DOCK10: variants seen among roughly 807,000 people sequenced by gnomAD.
The protein encoded by DOCK10 is dedicator of cytokinesis 10.
A neutral mutation model predicts 280.1 loss-of-function variants in DOCK10; 145 were observed. The observed-to-expected ratio is 0.52, with a 90% confidence interval of 0.45 to 0.59. DOCK10 has a LOEUF of 0.59. Among genes scored for constraint, DOCK10 ranks in the 20% least tolerant of loss-of-function variants. The pLI is 0.00. For synonymous variants in DOCK10, 915 were observed against 942.2 expected (o/e 0.97, Z 0.53); for missense variants, 2,368 against 2,651.7 (o/e 0.89, Z 2.35).
rs2125080151 is a variant in DOCK10, at chr2:224,787,412, A to G, written c.5419-15T>C. On this transcript the variant is annotated splice_polypyrimidine_tract_variant and intron_variant, in intron 48 of 55. Coordinates refer to ENST00000258390, the MANE Select transcript of DOCK10 (RefSeq NM_014689.3). ...ACCAGGATATTCTGCAATTCCCCCAATCAAAATAAGATTTTACATGATTAG... is the reference window on the plus strand; with the variant it reads ...ACCAGGATATTCTGCAATTCCCCCAGTCAAAATAAGATTTTACATGATTAG... 6.2e-7 allele frequency: 1 copy of G among 1,613,300 alleles called. No homozygotes were observed. The highest frequency in any genetic ancestry group is 8.5e-7 in the Non-Finnish European group (1 of 1,179,716).
At chr2:224,907,687 CAAAAA>C (rs71062965) in intron 3 of DOCK10, among the ~76,000 whole-genome samples, 3 of 123,438 alleles carry the variant, frequency 2.4e-5, no homozygotes, top group Admixed American at 8.1e-5. Context: ...GACTCCACCT[CAAAAA>C]AAAAAAAAAA....
At chr2:224,766,271 T>G (rs1358459055) in intron 55 of DOCK10, among the ~76,000 whole-genome samples, 1 of 152,188 alleles carries the variant, frequency 6.6e-6, no homozygotes, top group Non-Finnish European at 1.5e-5. Flanking sequence ...AATGTTAGTG[T>G]GCCTAAAAAA....
intron 23 of DOCK10, among the ~76,000 whole-genome samples, chr2:224,840,846 C>T (rs13386042): frequency 0.19 from 29,558 of 152,102 alleles, 4,615 homozygotes; most frequent in African/African-American, 0.44. Context: ...AGCCAAGATA[C>T]AGAATCAATC....
At chr2:224,815,431 A>G (rs1694068022) in intron 30 of DOCK10, among the ~76,000 whole-genome samples, 2 of 152,168 alleles carry the variant, frequency 1.3e-5, no homozygotes, top group African/African-American at 4.8e-5. Flanking sequence ...GAATATCTCA[A>G]TCAGCCTGGC....
At chr2:224,846,590 G>A (rs1696370187) in intron 19 of DOCK10, among the ~76,000 whole-genome samples, 1 of 150,684 alleles carries the variant, frequency 6.6e-6, no homozygotes, top group Admixed American at 6.6e-5. Flanking sequence ...TCCGCTTCCT[G>A]GGTTCAAGTG....
intron 13 of DOCK10, 27 bp downstream of exon 13, chr2:224,864,526 G>C (rs913571948): frequency 6.6e-7 from 1 of 1,518,380 alleles, no homozygotes; most frequent in East Asian, 2.4e-5. Flanking sequence ...AAAAGGAAGT[G>C]AAGTTATTTA....
chr2:224,985,630 GA>G (rs56042875), intron 1 of DOCK10, among the ~76,000 whole-genome samples: 71 of 142,070 alleles, frequency 5.0e-4, no homozygotes, highest in South Asian at 2.0e-3. Flanking sequence ...GGTTAAGGAG[GA>G]AAAAAAAAAA....
intron 50 of DOCK10, among the ~76,000 whole-genome samples, chr2:224,782,627 T>G (rs1691434044): frequency 6.6e-6 from 1 of 152,202 alleles, no homozygotes; most frequent in African/African-American, 2.4e-5. Flanking sequence ...TTAAAGTTCC[T>G]GCTATGAACG....
intron 1 of DOCK10, among the ~76,000 whole-genome samples, chr2:224,941,474 A>G (rs1039100359): frequency 2.6e-5 from 4 of 152,142 alleles, no homozygotes; most frequent in African/African-American, 9.7e-5. Context: ...ACGGCAAGAG[A>G]AGGCTGGGGC....
chr2:224,886,154 C>G lies in DOCK10; in HGVS notation c.521G>C (p.Gly174Ala). The part of the protein sequence containing the change: ...DTTSHSSSKG[G>A]GGAGGTGVFK... ...AACACCAGTTCCTCCCGCTCCTCCA[C>G]CCCCCTTGGAAGACGAGTGGGAAGT... The change falls in exon 6 of 56, where the codon GGT becomes GCT. Residue 174 changes from glycine (G) to alanine (A), a missense_variant. By Grantham distance (60) the Gly-to-Ala change is moderately conservative (BLOSUM62 0). Transcript: ENST00000258390. 6.2e-7 allele frequency: 1 copy of G among 1,613,328 alleles called. No homozygotes were observed.
chr2:224,770,236 T>C lies in DOCK10; in HGVS notation c.6419A>G (p.Glu2140Gly). 1 of 1,598,494 alleles carries C rather than the reference T, an allele frequency of 6.3e-7. No homozygotes were observed. ...LRSHYKDMLSELSTVMNEQIT... is the reference protein window; with the variant it reads ...LRSHYKDMLSGLSTVMNEQIT... ...CTGCTCATTCATGACTGTGGAGAGTTCGCTGAGCATGTCCTTGTAGTGGGA... is the reference window on the plus strand; with the variant it reads ...CTGCTCATTCATGACTGTGGAGAGTCCGCTGAGCATGTCCTTGTAGTGGGA... The change falls in exon 55 of 56, where the codon GAA becomes GGA. Residue 2140 changes from glutamate to glycine, a missense_variant. Coordinates refer to ENST00000258390, the MANE Select transcript of DOCK10 (RefSeq NM_014689.3). This position sits in a 1 kb window ranked among gnomAD's most constrained non-coding sequence, Gnocchi z 4.5.
chr2:224,857,123 T>C (rs1697201259), intron 14 of DOCK10, 141 bp from the exon 15 acceptor site: 6 of 599,018 alleles, frequency 1.0e-5, no homozygotes, highest in African/African-American at 1.9e-5. Context: ...CAAAAACTTT[T>C]ACAAATGCTT....
intron 7 of DOCK10, among the ~76,000 whole-genome samples, chr2:224,876,883 C>T (rs1698662959): frequency 6.6e-6 from 1 of 152,142 alleles, no homozygotes; most frequent in Non-Finnish European, 1.5e-5. Context: ...CTCATCTATT[C>T]CAATGGCTTC....
intron 1 of DOCK10, among the ~76,000 whole-genome samples, chr2:225,038,166 T>C (rs534290794): frequency 1.3e-5 from 2 of 152,342 alleles, no homozygotes; most frequent in Admixed American, 6.5e-5. Flanking sequence ...TATTGCATAT[T>C]GCTTTTAAAT....
intron 31 of DOCK10, among the ~76,000 whole-genome samples, chr2:224,813,290 G>A (rs1326807362): frequency 1.3e-5 from 2 of 152,172 alleles, no homozygotes; most frequent in Non-Finnish European, 2.9e-5. Flanking sequence ...CTGCCTCCAG[G>A]GTTCAAGCGA....
intron 29 of DOCK10, among the ~76,000 whole-genome samples, chr2:224,819,244 T>C (rs1694347014): frequency 1.3e-5 from 2 of 152,194 alleles, no homozygotes; most frequent in Admixed American, 1.3e-4. Flanking sequence ...GTAAACACTT[T>C]CATTCCACTC....
intron 1 of DOCK10, among the ~76,000 whole-genome samples, chr2:224,994,857 T>A (rs1706226021): frequency 6.6e-6 from 1 of 152,220 alleles, no homozygotes; most frequent in South Asian, 2.1e-4. Context: ...CAAAACTTAA[T>A]GGCTTTAAAC....
At position 224,765,826 on chromosome 2, in the gene DOCK10, C is replaced by T; in HGVS notation, c.6456G>A (p.Arg2152=). ...CCACTCCGCGCTTTGACAGGTCGTC[C>T]CTGCCCGTAATCTTAAAACAGGGAA... ...STVMNEQITG[R]DDLSKRGVDQ... Residue 2152 remains arginine, a synonymous_variant, in exon 56 of 56, where the codon AGG becomes AGA. Coordinates refer to ENST00000258390, the MANE Select transcript of DOCK10 (RefSeq NM_014689.3). The T allele has an allele frequency of 6.2e-7, 1 of 1,613,442 alleles. No individual in the cohort carries two copies. Among genetic ancestry groups the T allele is most frequent in the Non-Finnish European group, 8.5e-7 (1 of 1,179,656 alleles).
At chr2:224,867,466 A>G (rs1157018364) in intron 11 of DOCK10, among the ~76,000 whole-genome samples, 3 of 152,210 alleles carry the variant, frequency 2.0e-5, no homozygotes, top group African/African-American at 7.2e-5. Flanking sequence ...TGCTCACCCA[A>G]ATCCATGCCT....
Sources: gnomAD v4.1 joint callset for allele counts (sites outside exome capture counted in the v4.1 genomes callset) on GRCh38, gnomAD v4.1.1 for gene constraint, Gnocchi (gnomAD v3.1) non-coding constraint, MANE v1.5 for transcripts, NCBI Gene and HGNC (gene_info 2026-07-23, HGNC 2026-07-21) for gene names.